The following GCNA variants were observed in gnomAD, a reference collection of about 807,000 sequenced individuals.
The protein encoded by GCNA is germ cell nuclear acidic protein.
A neutral mutation model predicts 38.8 loss-of-function variants in GCNA; 3 were observed. That is an observed-to-expected ratio of 0.08 (90% CI 0.04 to 0.20). GCNA has a LOEUF of 0.20. Ranked by LOEUF, GCNA falls within the 10% of genes least tolerant of loss-of-function variation. GCNA has a pLI of 1.00. For synonymous variants in GCNA, 195 were observed against 240.2 expected (o/e 0.81, Z 1.74); for missense variants, 446 against 578.6 (o/e 0.77, Z 2.35).
chrX:71,590,694 T>C (rs1189508409), intron 2 of GCNA, among the ~76,000 whole-genome samples: 1 of 110,700 alleles, frequency 9.0e-6, no homozygotes, highest in Non-Finnish European at 1.9e-5. Flanking sequence ...CTAATTTTTT[T>C]TTTTTTTGAT....
intron 7 of GCNA, among the ~76,000 whole-genome samples, chrX:71,603,047 G>C (rs929327334): frequency 8.9e-6 from 1 of 112,283 alleles, no homozygotes; most frequent in African/African-American, 3.2e-5. Context: ...CTTTTCGCCA[G>C]TGTATGTTCT....
chrX:71,611,469 G>C (rs2040809752), intron 11 of GCNA, among the ~76,000 whole-genome samples: 1 of 111,794 alleles, frequency 8.9e-6, no homozygotes, highest in African/African-American at 3.3e-5. Context: ...AGAGTTCGAG[G>C]CCGTAGTACA....
At chrX:71,580,458 C>G in intron 1 of GCNA, 2 of 112,733 alleles carry the variant, frequency 1.8e-5, no homozygotes, top group Non-Finnish European at 3.6e-5. Context: ...TTTTTTTTTT[C>G]TTTTTATTTT....
chrX:71,611,192 T>C (rs901347271), intron 11 of GCNA, among the ~76,000 whole-genome samples: 2 of 112,185 alleles, frequency 1.8e-5, no homozygotes, highest in African/African-American at 6.5e-5. Flanking sequence ...TCATCCCTGC[T>C]CTGTTTGGTC....
chrX:71,595,071 G>A (rs1243482361), intron 6 of GCNA, among the ~76,000 whole-genome samples: 2 of 111,046 alleles, frequency 1.8e-5, no homozygotes, highest in Non-Finnish European at 3.8e-5. Context: ...TTTGGTGTTT[G>A]CTCCTTTTTA....
intron 1 of GCNA, chrX:71,580,490 T>C (rs2040537963): frequency 6.8e-6 from 1 of 146,415 alleles, no homozygotes; most frequent in Non-Finnish European, 1.3e-5. Flanking sequence ...CTTTTTCTTT[T>C]TTGAGATGGA....
chrX:71,578,854 G>A (rs2040521449), intron 1 of GCNA, among the ~76,000 whole-genome samples: 1 of 108,343 alleles, frequency 9.2e-6, no homozygotes, highest in African/African-American at 3.4e-5. Flanking sequence ...TGGCGTCATT[G>A]CAGATAGTGG....
At chrX:71,597,543 C>T (rs1018364866) in intron 6 of GCNA, among the ~76,000 whole-genome samples, 10 of 111,255 alleles carry the variant, frequency 9.0e-5, no homozygotes, top group African/African-American at 3.3e-4. Context: ...AAACTCCCTA[C>T]TCTGAGGCTG....
intron 7 of GCNA, among the ~76,000 whole-genome samples, chrX:71,601,792 C>T (rs745646439): frequency 1.6e-4 from 18 of 111,806 alleles, no homozygotes; most frequent in East Asian, 2.8e-4. Flanking sequence ...GTGATCCGTG[C>T]GCCCTGGCCT....
At chrX:71,603,444 AAAATAACCGATTCTT>A in intron 7 of GCNA, 129 bp from the exon 8 acceptor site, 1 of 907,404 alleles carries the variant, frequency 1.1e-6, no homozygotes, top group Non-Finnish European at 1.5e-6. Context: ...TGTCTCCTTT[AAAATAACCGATTCTT>A]AACTGCTATT....
At chrX:71,580,620 G>A (rs2040539426) in intron 1 of GCNA, 200 bp from the exon 2 acceptor site, 1 of 325,052 alleles carries the variant, frequency 3.1e-6, no homozygotes, top group East Asian at 5.5e-5. Context: ...GACTACAGGC[G>A]CCCGCCACCA....
At chrX:71,597,866 A>G in intron 6 of GCNA, 84 bp from the exon 7 acceptor site, 1 of 756,652 alleles carries the variant, frequency 1.3e-6, no homozygotes, top group Non-Finnish European at 2.0e-6. Flanking sequence ...AGTGGTCAAG[A>G]TCAGAAAAGG....
chrX:71,612,060 G>A (rs1166773734), intron 11 of GCNA, among the ~76,000 whole-genome samples: 1 of 106,172 alleles, frequency 9.4e-6, no homozygotes, highest in African/African-American at 3.5e-5. Context: ...ATCACCTGAG[G>A]TCAGGAGTTT....
intron 2 of GCNA, among the ~76,000 whole-genome samples, chrX:71,589,845 C>T (rs748424487): frequency 9.1e-6 from 1 of 110,109 alleles, no homozygotes; most frequent in East Asian, 2.8e-4. Context: ...GGGTCTCACT[C>T]CTGTCACCCA....
chrX:71,612,330 C>T lies in GCNA; in HGVS notation c.1751-25C>T, dbSNP rs762386660. 5 of 826,765 alleles carry T rather than the reference C, an allele frequency of 6.0e-6. No homozygotes were observed. In the East Asian group the frequency reaches 1.9e-4, roughly 31 times the overall value. The allele number at this position is 826,765 out of a possible 1,213,427, so 68.1% of individuals were successfully genotyped here. On this transcript the variant is annotated intron_variant, in intron 11 of 12. Coordinates refer to ENST00000373696, the MANE Select transcript of GCNA (RefSeq NM_052957.5). ...AAAAGAGGATTGGTTTTAGTGCTCA[C>T]ATTTCTTTTCATTCTTCTTTCAAGA...
chrX:71,601,372 C>T (rs186068126), intron 7 of GCNA, among the ~76,000 whole-genome samples: 4 of 110,000 alleles, frequency 3.6e-5, no homozygotes, highest in Middle Eastern at 4.6e-3. Context: ...GAGAAAAAAA[C>T]GTGAAATTTG....
chrX:71,579,532 GGTGGGGGTGCCAGTGGCTGTGGGGAGAA>G (rs1483716988), intron 1 of GCNA, among the ~76,000 whole-genome samples: 3 of 97,806 alleles, frequency 3.1e-5, no homozygotes, highest in Non-Finnish European at 4.2e-5. Flanking sequence ...TGGCATTGGA[GGTGGGGGTGCCAGTGGCTGTGGGGAGAA>G]GTGGGGGTGC....
At chrX:71,602,341 C>G (rs2040722339) in intron 7 of GCNA, among the ~76,000 whole-genome samples, 1 of 111,375 alleles carries the variant, frequency 9.0e-6, no homozygotes, top group Non-Finnish European at 1.9e-5. Flanking sequence ...CACACATCAC[C>G]ATACCTGGCT....
intron 2 of GCNA, among the ~76,000 whole-genome samples, chrX:71,584,597 G>T (rs1192758039): frequency 4.5e-5 from 5 of 111,405 alleles, no homozygotes; most frequent in Non-Finnish European, 9.4e-5. Context: ...AGGAGCGGTG[G>T]CTCACGCCTG....
Sources: allele counts gnomAD v4.1 joint callset (sites outside exome capture counted in the v4.1 genomes callset), GRCh38; gene constraint gnomAD v4.1.1; transcripts MANE v1.5; gene names NCBI Gene and HGNC (gene_info 2026-07-23, HGNC 2026-07-21).